The following CBLIF variants were observed in gnomAD, a reference collection of about 807,000 sequenced individuals.
CBLIF encodes the protein cobalamin binding intrinsic factor, also known as gastric intrinsic factor (vitamin B synthesis).
In CBLIF, 24 loss-of-function variants were observed where a neutral mutation model predicts 44.9. That is an observed-to-expected ratio of 0.53 (90% CI 0.39 to 0.75). CBLIF has a LOEUF of 0.75. Ranked by LOEUF, CBLIF falls within the 30% of genes least tolerant of loss-of-function variation. The pLI is 0.00. For missense variants in CBLIF, 481 were observed against 513.0 expected, an observed-to-expected ratio of 0.94 and a Z score of 0.60; for synonymous variants, 183 against 190.9, an observed-to-expected ratio of 0.96 and a Z score of 0.34.
intron 5 of CBLIF, among the ~76,000 whole-genome samples, chr11:59,839,081 C>G (rs1281580417): frequency 6.6e-6 from 1 of 151,966 alleles, no homozygotes; most frequent in South Asian, 2.1e-4. Flanking sequence ...ACTCCTGACC[C>G]CAAGTGATCT....
At chr11:59,830,436 A>G (rs1394255220) in intron 8 of CBLIF, among the ~76,000 whole-genome samples, 3 of 151,746 alleles carry the variant, frequency 2.0e-5, no homozygotes, top group Non-Finnish European at 4.4e-5. Flanking sequence ...ACGGGGTTTC[A>G]CCATGTTAGC....
Position 59,845,213 on chromosome 11 carries a change from C to A in CBLIF, c.79+162G>T, listed in dbSNP as rs770094128. ...AGACTTGTCTCTCAAAGAACTTATGCTATTAAGTCAGGAAGGATGAACAGC... is the reference window on the plus strand; with the variant it reads ...AGACTTGTCTCTCAAAGAACTTATGATATTAAGTCAGGAAGGATGAACAGC... On this transcript the variant is annotated intron_variant, in intron 1 of 8. Transcript: ENST00000257248. 1.1e-5 allele frequency: 10 copies of A among 949,676 alleles called. No homozygotes were observed. The South Asian group carries it at 1.4e-4, about 13-fold the overall frequency. The allele number at this position is 949,676 out of a possible 1,614,324, so 58.8% of individuals were successfully genotyped here.
chr11:59,834,317 TTC>T (rs2135086262), intron 7 of CBLIF, among the ~76,000 whole-genome samples: 22 of 146,970 alleles, frequency 1.5e-4, no homozygotes, highest in African/African-American at 5.6e-4. Flanking sequence ...TCTTTCTTCC[TTC>T]CTTCCTTCCT....
chr11:59,834,939 T>C (rs927893192), intron 7 of CBLIF, among the ~76,000 whole-genome samples: 10 of 152,162 alleles, frequency 6.6e-5, no homozygotes, highest in African/African-American at 2.4e-4. Context: ...TGTTTTAGCC[T>C]TGTCTCCTAT....
At chr11:59,831,925 T>A in intron 7 of CBLIF, 129 bp from the exon 8 acceptor site, 1 of 674,238 alleles carries the variant, frequency 1.5e-6, no homozygotes, top group Non-Finnish European at 2.7e-6. Flanking sequence ...GTGACTTTGT[T>A]ACCCAGGCTA....
At chr11:59,830,431 G>T (rs1866359510) in intron 8 of CBLIF, among the ~76,000 whole-genome samples, 1 of 151,762 alleles carries the variant, frequency 6.6e-6, no homozygotes, top group South Asian at 2.1e-4. Flanking sequence ...TAGAGACGGG[G>T]TTTCACCATG....
At position 59,843,965 on chromosome 11, in the gene CBLIF, A is replaced by G. The variant is rs761224422; in HGVS notation, c.170T>C (p.Ile57Thr). Reference protein sequence around the residue: ...VTSSAYPNPSILIAMNLAGAY... With the variant: ...VTSSAYPNPSTLIAMNLAGAY... The stretch of plus-strand genomic sequence containing the variant: ...TCCGGCCAGATTCATGGCAATCAGG[A>G]TGCTGGGGTTTGGGTAGGCTGATGA... The change falls in exon 2 of 9, where the codon ATC becomes ACC. Residue 57 changes from isoleucine to threonine, a missense_variant. Coordinates refer to ENST00000257248, the MANE Select transcript of CBLIF (RefSeq NM_005142.3). 13 of 1,613,358 alleles carry G rather than the reference A, an allele frequency of 8.1e-6. No individual in the cohort carries two copies. The Admixed American group carries it at 1.5e-4, about 19-fold the overall frequency.
intron 7 of CBLIF, among the ~76,000 whole-genome samples, chr11:59,834,248 CTTTCT>C (rs1565207371): frequency 9.9e-5 from 8 of 80,602 alleles, no homozygotes; most frequent in African/African-American, 3.9e-4. Context: ...CTTTTTCTTT[CTTTCT>C]TTCTTTCTTT....
chr11:59,837,842 C>T (rs966725051), intron 5 of CBLIF, among the ~76,000 whole-genome samples: 2 of 152,182 alleles, frequency 1.3e-5, no homozygotes, highest in Non-Finnish European at 2.9e-5. Flanking sequence ...TGGTCACCAT[C>T]CCCTTGATGA....
chr11:59,837,608 T>C (rs1866472607), intron 5 of CBLIF, among the ~76,000 whole-genome samples: 1 of 152,224 alleles, frequency 6.6e-6, no homozygotes, highest in Non-Finnish European at 1.5e-5. Flanking sequence ...TAGGCAGTCA[T>C]ATTTACGAAC....
intron 1 of CBLIF, 133 bp downstream of exon 1, chr11:59,845,242 C>A (rs774472634): frequency 7.6e-5 from 99 of 1,295,340 alleles, no homozygotes; most frequent in South Asian, 1.1e-4. Flanking sequence ...GAACAGCACA[C>A]AATCACACTC....
intron 5 of CBLIF, among the ~76,000 whole-genome samples, chr11:59,838,954 T>A (rs1343952513): frequency 2.6e-5 from 4 of 151,716 alleles, no homozygotes; most frequent in Admixed American, 6.6e-5. Context: ...GTTCAAGTGA[T>A]TCTCCTGCCT....
At chr11:59,843,785 C>T in intron 2 of CBLIF, 94 bp downstream of exon 2, 1 of 905,320 alleles carries the variant, frequency 1.1e-6, no homozygotes, top group South Asian at 1.3e-5. Flanking sequence ...CAGTCAGAGG[C>T]AGCATTGGGG....
At position 59,838,356 on chromosome 11, in the gene CBLIF, C is replaced by CGTGATGT. The variant is rs773105224; in HGVS notation, c.694-1012_694-1006dup. Among the ~76,000 whole-genome samples the CGTGATGT allele has an allele frequency of 2.6e-5, 4 of 152,208 alleles. No individual in the cohort carries two copies. In the South Asian group the frequency reaches 6.2e-4, roughly 24 times the overall value. ...AAGGGGCTAATGTATAAAAGCATTT[C>CGTGATGT]GTGATGTGTGATGTGTGATGTGGAA... On this transcript the variant is annotated intron_variant, in intron 5 of 8. Transcript: ENST00000257248.
chr11:59,832,556 A>C lies in CBLIF; in HGVS notation c.1074-760T>G, dbSNP rs188561313. Among the ~76,000 whole-genome samples, 1,492 of 152,178 alleles carry C rather than the reference A, an allele frequency of 9.8e-3. 13 individuals are homozygous for C. The highest frequency in any genetic ancestry group is 0.015 in the Non-Finnish European group (1,053 of 67,964). On this transcript the variant is annotated intron_variant, in intron 7 of 8. Coordinates refer to ENST00000257248, the MANE Select transcript of CBLIF (RefSeq NM_005142.3). ...CAATCCCAGCACTTTGGGAGGCTGAAGAGGGCAGATTGCTTGAGCCCAGGA... is the reference window on the plus strand; with the variant it reads ...CAATCCCAGCACTTTGGGAGGCTGACGAGGGCAGATTGCTTGAGCCCAGGA...
Position 59,837,344 on chromosome 11 carries a change from G to T in CBLIF, c.701C>A (p.Ser234Tyr), listed in dbSNP as rs770042905. 8.4e-5 allele frequency: 135 copies of T among 1,611,272 alleles called. No individual in the cohort carries two copies. The highest frequency in any genetic ancestry group is 1.3e-4 in the Admixed American group (8 of 60,008). The change falls in exon 6 of 9, where the codon TCT becomes TAT. Residue 234 changes from serine to tyrosine, a missense_variant. Transcript: ENST00000257248. ...CTTTTTAGATGGCTCAGGTGTTACA[G>T]AGAGAGCCTGGGAAGGAAGACAGAA... ...YSTGLAMQALSVTPEPSKKEW... is the reference protein window; with the variant it reads ...YSTGLAMQALYVTPEPSKKEW...
chr11:59,841,207 A>T lies in CBLIF; in HGVS notation c.629T>A (p.Ile210Asn). ...GCCATTATCTTTGATCTTCATGCTG[A>T]TTTTCTCCACAATATCCTTTAGTAC... The part of the protein sequence containing the change: ...GQVLKDIVEK[I>N]SMKIKDNGII... The change falls in exon 5 of 9, where the codon ATC becomes AAC. Residue 210 changes from isoleucine to asparagine, a missense_variant. Transcript: ENST00000257248. The T allele has an allele frequency of 6.2e-7, 1 of 1,613,552 alleles. No individual in the cohort carries two copies. Among genetic ancestry groups the T allele is most frequent in the Non-Finnish European group, 8.5e-7 (1 of 1,179,498 alleles).
chr11:59,833,386 G>A (rs969006964), intron 7 of CBLIF, among the ~76,000 whole-genome samples: 2 of 151,842 alleles, frequency 1.3e-5, no homozygotes, highest in Admixed American at 6.6e-5. Flanking sequence ...GCATCGTGGC[G>A]GGTGCCTATA....
intron 7 of CBLIF, 27 bp from the exon 8 acceptor site, chr11:59,831,823 C>A: frequency 9.6e-7 from 1 of 1,039,008 alleles, no homozygotes; most frequent in Non-Finnish European, 1.5e-6. Flanking sequence ...ATATGATTAA[C>A]ATCTCACTTT....
Sources: allele counts gnomAD v4.1 joint callset (sites outside exome capture counted in the v4.1 genomes callset), GRCh38; gene constraint gnomAD v4.1.1; transcripts MANE v1.5; gene names NCBI Gene and HGNC (gene_info 2026-07-23, HGNC 2026-07-21).